Variants in MGAT4A observed in about 807,000 individuals in gnomAD.
The protein encoded by MGAT4A is alpha-1,3-mannosyl-glycoprotein 4-beta-N-acetylglucosaminyltransferase A.
In MGAT4A, 33 loss-of-function variants were observed where a neutral mutation model predicts 74.1. That is an observed-to-expected ratio of 0.45 (90% CI 0.34 to 0.60). MGAT4A has a LOEUF of 0.60. Among genes scored for constraint, MGAT4A ranks in the 20% least tolerant of loss-of-function variants. MGAT4A has a pLI of 0.02. For missense variants in MGAT4A, 479 were observed against 628.3 expected (o/e 0.76, Z 2.54); for synonymous variants, 198 against 210.4 (o/e 0.94, Z 0.51).
intron 6 of MGAT4A, 26 bp from the exon 7 acceptor site, chr2:98,656,491 A>G (rs1358914056): frequency 6.8e-7 from 1 of 1,464,710 alleles, no homozygotes; most frequent in Non-Finnish European, 9.5e-7. Context: ...TAGCTGAGTT[A>G]CTTAAGTTCT....
At chr2:98,698,525 C>T (rs925835780) in intron 2 of MGAT4A, among the ~76,000 whole-genome samples, 14 of 152,186 alleles carry the variant, frequency 9.2e-5, no homozygotes, top group African/African-American at 2.2e-4. Flanking sequence ...CCAGTATCAA[C>T]GCTCCTTTTA....
At chr2:98,724,790 C>CAA (rs753708649) in intron 2 of MGAT4A, among the ~76,000 whole-genome samples, 4 of 138,894 alleles carry the variant, frequency 2.9e-5, no homozygotes, top group South Asian at 2.2e-4. Flanking sequence ...AAGTTTCCTA[C>CAA]AAAAAAAAAA....
chr2:98,715,145 T>A (rs1420365486), intron 2 of MGAT4A, among the ~76,000 whole-genome samples: 2 of 151,690 alleles, frequency 1.3e-5, no homozygotes, highest in African/African-American at 4.8e-5. Flanking sequence ...GTGAAACCCA[T>A]CTCTACTAAA....
intron 8 of MGAT4A, among the ~76,000 whole-genome samples, chr2:98,648,556 A>G: frequency 7.0e-6 from 1 of 142,846 alleles, no homozygotes; most frequent in South Asian, 2.3e-4. Flanking sequence ...TACAAAAAGT[A>G]AAAAAAAAAA....
In MGAT4A at chr2:98,624,125, G is replaced by A. The variant is rs1010301727; in HGVS notation, c.*1441C>T. The A allele has an allele frequency of 4.2e-6, 3 of 715,992 alleles. No individual in the cohort carries two copies. The highest frequency in any genetic ancestry group is 1.3e-4 in the Admixed American group (2 of 15,982). The allele number at this position is 715,992 out of a possible 1,614,324, so 44.4% of individuals were successfully genotyped here. A position where few individuals can be genotyped will look rare whatever the true frequency, so the allele number is the denominator to read the frequency against. On this transcript the variant is annotated 3_prime_UTR_variant, in exon 16 of 16. Coordinates refer to ENST00000393487, the MANE Select transcript of MGAT4A (RefSeq NM_012214.3). ...CCTCCTGGGTTCACGCCATTCTCCT[G>A]CCTCAGCCTCCCAAGTAGCTGGGAT...
chr2:98,659,582 C>T lies in MGAT4A; in HGVS notation c.538-1318G>A, dbSNP rs1354327593. On this transcript the variant is annotated intron_variant, in intron 5 of 15. Coordinates refer to ENST00000393487, the MANE Select transcript of MGAT4A (RefSeq NM_012214.3). ...TCTGGGAGGGACCCTGTGGAGATAACTGAATCATGGGGGCAGTTTCCCCCA... is the reference window on the plus strand; with the variant it reads ...TCTGGGAGGGACCCTGTGGAGATAATTGAATCATGGGGGCAGTTTCCCCCA... Among the ~76,000 whole-genome samples, 150 of 152,306 alleles carry T rather than the reference C, an allele frequency of 9.8e-4. 1 individual carries two copies. Among genetic ancestry groups the T allele is most frequent in the Non-Finnish European group, 2.8e-4 (19 of 68,016 alleles).
intron 2 of MGAT4A, among the ~76,000 whole-genome samples, chr2:98,711,481 T>C (rs1575279969): frequency 6.6e-6 from 1 of 152,046 alleles, no homozygotes; most frequent in South Asian, 2.1e-4. Flanking sequence ...CTATTAACTT[T>C]AGGAAGGTTT....
intron 2 of MGAT4A, among the ~76,000 whole-genome samples, chr2:98,719,909 A>G (rs963338912): frequency 7.9e-5 from 12 of 152,168 alleles, no homozygotes; most frequent in Non-Finnish European, 1.6e-4. Context: ...AGCCTCCCAA[A>G]GTGCTGGGAT....
intron 2 of MGAT4A, among the ~76,000 whole-genome samples, chr2:98,685,691 C>A (rs752449071): frequency 1.3e-5 from 2 of 152,136 alleles, no homozygotes; most frequent in African/African-American, 2.4e-5. Context: ...AACTTACAAA[C>A]GAGACCAAGT....
At chr2:98,702,917 T>C (rs1430317966) in intron 2 of MGAT4A, among the ~76,000 whole-genome samples, 2 of 152,164 alleles carry the variant, frequency 1.3e-5, no homozygotes, top group Non-Finnish European at 2.9e-5. Flanking sequence ...TGAGTTAAAA[T>C]GTAAAGAATC....
At chr2:98,696,908 T>G (rs571808449) in intron 2 of MGAT4A, among the ~76,000 whole-genome samples, 17 of 152,258 alleles carry the variant, frequency 1.1e-4, no homozygotes, top group Non-Finnish European at 2.5e-4. Flanking sequence ...TTTTATCTTA[T>G]GTAAATTGTA....
rs780355499 is a variant in MGAT4A, at chr2:98,663,115, A to T, written c.468T>A (p.Leu156=). ...REVKSYLIET[L]HSLIDNLYPE... ...GATACAGGTTATCAATAAGGGAATG[A>T]AGAGTTTCTATGAGGTAAGATTTAA... The change falls in exon 5 of 16, where the codon CTT becomes CTA. Residue 156 remains leucine (L), a synonymous_variant. Coordinates refer to ENST00000393487, the MANE Select transcript of MGAT4A (RefSeq NM_012214.3). 2 of 1,604,598 alleles carry T rather than the reference A, an allele frequency of 1.2e-6. No individual in the cohort carries two copies. The highest frequency in any genetic ancestry group is 2.2e-5 in the East Asian group (1 of 44,712).
At chr2:98,703,827 C>T (rs1233967484) in intron 2 of MGAT4A, among the ~76,000 whole-genome samples, 3 of 152,138 alleles carry the variant, frequency 2.0e-5, no homozygotes, top group African/African-American at 7.2e-5. Flanking sequence ...ACTGCCAGGA[C>T]CCCTCTTCAC....
At chr2:98,656,302 TA>T in intron 7 of MGAT4A, 49 bp downstream of exon 7, 1 of 1,229,024 alleles carries the variant, frequency 8.1e-7, no homozygotes, top group Non-Finnish European at 1.2e-6. Context: ...CTACATGTAT[TA>T]AATATTTACA....
intron 12 of MGAT4A, 76 bp from the exon 13 acceptor site, chr2:98,636,671 C>A: frequency 7.8e-7 from 1 of 1,280,518 alleles, no homozygotes; most frequent in Non-Finnish European, 1.1e-6. Context: ...GACCTTACCT[C>A]AGAGTCAGCT....
At chr2:98,710,347 A>C (rs1702498486) in intron 2 of MGAT4A, among the ~76,000 whole-genome samples, 1 of 152,250 alleles carries the variant, frequency 6.6e-6, no homozygotes, top group Non-Finnish European at 1.5e-5. Context: ...TATTAAAAGA[A>C]AACAAATTAT....
chr2:98,701,638 CATAAA>C (rs1282703653), intron 2 of MGAT4A, among the ~76,000 whole-genome samples: 1 of 152,112 alleles, frequency 6.6e-6, no homozygotes, highest in Non-Finnish European at 1.5e-5. Flanking sequence ...CTAAGCTGAA[CATAAA>C]ATAAAATAAT....
At chr2:98,686,976 T>C (rs529617686) in intron 2 of MGAT4A, among the ~76,000 whole-genome samples, 1 of 152,210 alleles carries the variant, frequency 6.6e-6, no homozygotes, top group Non-Finnish European at 1.5e-5. Context: ...TATATGTTTA[T>C]AACAGCTCTT....
intron 5 of MGAT4A, among the ~76,000 whole-genome samples, chr2:98,660,418 GCACACA>G (rs534943882): frequency 0.039 from 5,530 of 141,624 alleles, 190 homozygotes; most frequent in African/African-American, 0.087. Context: ...ACACGCACGC[GCACACA>G]CACACACACA....
Sources: gnomAD v4.1 joint callset for allele counts (sites outside exome capture counted in the v4.1 genomes callset) on GRCh38, gnomAD v4.1.1 for gene constraint, MANE v1.5 for transcripts, NCBI Gene and HGNC (gene_info 2026-07-23, HGNC 2026-07-21) for gene names.